Variants in WWC2 observed in about 807,000 individuals in gnomAD.
WWC2 encodes the protein protein WWC2.
A neutral mutation model predicts 138.5 loss-of-function variants in WWC2; 101 were observed. That is an observed-to-expected ratio of 0.73 (90% CI 0.62 to 0.86). The LOEUF (loss-of-function observed/expected upper bound fraction) is 0.86. Among genes scored for constraint, WWC2 ranks in the 40% least tolerant of loss-of-function variants. The pLI is 0.00. For synonymous variants in WWC2, 558 were observed against 538.4 expected, an observed-to-expected ratio of 1.04 and a Z score of -0.50; for missense variants, 1,420 against 1,419.4, an observed-to-expected ratio of 1.00 and a Z score of -0.01.
At position 183,108,835 on chromosome 4, in the gene WWC2, T is replaced by C. The variant is rs983062489; in HGVS notation, c.131+9213T>C. Among the ~76,000 whole-genome samples, 4 of 152,180 alleles carry C rather than the reference T, an allele frequency of 2.6e-5. 1 individual carries two copies. Among genetic ancestry groups the C allele is most frequent in the Non-Finnish European group, 5.9e-5 (4 of 68,026 alleles). ...CATGTTGGCCAGGCTAGTCTTGAAC[T>C]CCTGACCTAGTGATCTGCCTGCCTC... is the stretch of plus-strand genomic sequence containing the variant. On this transcript the variant is annotated intron_variant, in intron 1 of 22. Transcript: ENST00000403733.
At chr4:183,164,158 T>C (rs1734038063) in intron 1 of WWC2, among the ~76,000 whole-genome samples, 1 of 151,188 alleles carries the variant, frequency 6.6e-6, no homozygotes, top group Admixed American at 6.6e-5. Context: ...TCTGCTCTAA[T>C]TTCATTTAGT....
intron 1 of WWC2, among the ~76,000 whole-genome samples, chr4:183,111,129 C>G (rs1013378219): frequency 5.9e-5 from 9 of 151,972 alleles, no homozygotes; most frequent in Non-Finnish European, 5.9e-5. Context: ...AGTCCCAGCT[C>G]TTCGGGAGGC....
chr4:183,175,896 A>C (rs1734454341), intron 1 of WWC2, among the ~76,000 whole-genome samples: 1 of 152,242 alleles, frequency 6.6e-6, no homozygotes, highest in African/African-American at 2.4e-5. Context: ...ACAAAGAAGC[A>C]GTATTTGTCT....
Position 183,261,749 on chromosome 4 carries a change from T to C in WWC2, c.1909+217T>C, listed in dbSNP as rs147395551. Among the ~76,000 whole-genome samples the C allele has an allele frequency of 5.3e-3, 801 of 152,350 alleles. 12 individuals are homozygous for C. Among genetic ancestry groups the C allele is most frequent in the African/African-American group, 0.018 (748 of 41,586 alleles). ...CTTCCCTATTTAGTAGACTTAATCA[T>C]TTAGTACCTGCTCAGTTGTCCAGAG... On this transcript the variant is annotated intron_variant, in intron 11 of 22. Transcript: ENST00000403733.
Position 183,320,617 on chromosome 4 carries a change from A to G in WWC2, c.*4888A>G, listed in dbSNP as rs1739613208. 4.9e-6 allele frequency: 1 copy of G among 205,176 alleles called. No individual in the cohort carries two copies. Among genetic ancestry groups the G allele is most frequent in the African/African-American group, 2.4e-5 (1 of 42,086 alleles). 12.7% of individuals were successfully genotyped at this position (205,176 alleles called of 1,614,324 possible). Reference sequence around the variant, plus strand: ...ATGTTTAACTGATGGTTTTGGTTCAACTCCTCCTGCTTTGTGTTTCACTAA... The same window carrying G: ...ATGTTTAACTGATGGTTTTGGTTCAGCTCCTCCTGCTTTGTGTTTCACTAA... On this transcript the variant is annotated 3_prime_UTR_variant, in exon 23 of 23. Coordinates refer to ENST00000403733, the MANE Select transcript of WWC2 (RefSeq NM_024949.6).
At chr4:183,123,644 T>C (rs1732672965) in intron 1 of WWC2, among the ~76,000 whole-genome samples, 1 of 152,118 alleles carries the variant, frequency 6.6e-6, no homozygotes, top group South Asian at 2.1e-4. Context: ...TAGCATAATA[T>C]CATTTCTTAA....
In WWC2 at chr4:183,099,505, C is replaced by G; in HGVS notation, c.14C>G (p.Ala5Gly). The change falls in exon 1 of 23, where the codon GCC (alanine) becomes GGC (glycine). Residue 5 changes from alanine to glycine, a missense_variant. By Grantham distance (60) the Ala-to-Gly change is moderately conservative (BLOSUM62 0). Coordinates refer to ENST00000403733, the MANE Select transcript of WWC2 (RefSeq NM_024949.6). ...AGGCCGCCGACCATGCCTAGGAGGG[C>G]CGGGAGCGGTCAGCTGCCGCTGCCC... MPRR[A>G]GSGQLPLPRG... 1 of 1,385,796 alleles carries G rather than the reference C, an allele frequency of 7.2e-7. No homozygotes were observed. 85.8% of individuals were successfully genotyped at this position (1,385,796 alleles called of 1,614,324 possible). A position where few individuals can be genotyped will look rare whatever the true frequency, so the allele number is the denominator to read the frequency against.
Position 183,298,715 on chromosome 4 carries a change from G to A in WWC2, c.3384+9080G>A, listed in dbSNP as rs114489402. On this transcript the variant is annotated intron_variant, in intron 21 of 22. Transcript: ENST00000403733. ...TCACCTATGAATTAAGAGGATTGAA[G>A]TAGATAGCCACCAGAATCCCTTCTA... Among the ~76,000 whole-genome samples, 431 of 152,336 alleles carry A rather than the reference G, an allele frequency of 2.8e-3. 3 individuals carry two copies. Among genetic ancestry groups the A allele is most frequent in the Non-Finnish European group, 5.1e-3 (346 of 68,034 alleles).
chr4:183,177,492 G>A (rs766616924), intron 1 of WWC2, among the ~76,000 whole-genome samples: 4 of 152,114 alleles, frequency 2.6e-5, no homozygotes, highest in Non-Finnish European at 4.4e-5. Flanking sequence ...GAAGGAAATT[G>A]TAGGGCCTTT....
chr4:183,217,253 G>C (rs1701089757), intron 4 of WWC2, among the ~76,000 whole-genome samples: 1 of 152,174 alleles, frequency 6.6e-6, no homozygotes. Context: ...GATGAGAGTA[G>C]TGTGGAGGGG....
At chr4:183,119,681 A>G (rs754867757) in intron 1 of WWC2, among the ~76,000 whole-genome samples, 40 of 152,348 alleles carry the variant, frequency 2.6e-4, no homozygotes, top group Non-Finnish European at 5.1e-4. Flanking sequence ...TTAAGATGTC[A>G]GTTTTAAAAA....
intron 1 of WWC2, among the ~76,000 whole-genome samples, chr4:183,168,930 C>T (rs1275684935): frequency 6.6e-6 from 1 of 152,092 alleles, no homozygotes; most frequent in East Asian, 1.9e-4. Flanking sequence ...CTCGCCACAA[C>T]CTCTGCCTCC....
rs368794559 is a variant in WWC2, at chr4:183,245,649, A to C, written c.732+104A>C. The C allele has an allele frequency of 8.9e-5, 115 of 1,291,906 alleles. No homozygotes were observed. In the African/African-American group the frequency reaches 1.6e-3, roughly 18 times the overall value. The allele number at this position is 1,291,906 out of a possible 1,614,324, so 80.0% of individuals were successfully genotyped here. A position where few individuals can be genotyped will look rare whatever the true frequency, so the allele number is the denominator to read the frequency against. ...CCCTCAGAGTCTGGATGACCCTTCT[A>C]CCTCTGCCACATTTGTGCAGAATGG... is the stretch of plus-strand genomic sequence containing the variant. On this transcript the variant is annotated intron_variant, in intron 6 of 22. Coordinates refer to ENST00000403733, the MANE Select transcript of WWC2 (RefSeq NM_024949.6).
At chr4:183,299,328 C>T (rs1251173211) in intron 21 of WWC2, among the ~76,000 whole-genome samples, 1 of 152,132 alleles carries the variant, frequency 6.6e-6, no homozygotes, top group Non-Finnish European at 1.5e-5. Flanking sequence ...ACATTCAACC[C>T]GTAGCAGATG....
chr4:183,169,894 T>G (rs1734229722), intron 1 of WWC2, among the ~76,000 whole-genome samples: 1 of 152,226 alleles, frequency 6.6e-6, no homozygotes, highest in Non-Finnish European at 1.5e-5. Context: ...AAAACCCGAT[T>G]TCTAGCTAGC....
chr4:183,216,611 A>C (rs564636682), intron 4 of WWC2, among the ~76,000 whole-genome samples: 2 of 152,354 alleles, frequency 1.3e-5, no homozygotes, highest in Admixed American at 1.3e-4. Context: ...GAAGACTGTA[A>C]TTCTTAACTG....
chr4:183,223,324 A>T (rs1735981711), intron 4 of WWC2, among the ~76,000 whole-genome samples: 1 of 152,240 alleles, frequency 6.6e-6, no homozygotes, highest in Non-Finnish European at 1.5e-5. Context: ...TGATGAAGTG[A>T]CACATGACTA....
intron 1 of WWC2, among the ~76,000 whole-genome samples, chr4:183,179,245 G>T (rs1734553376): frequency 6.6e-6 from 1 of 152,292 alleles, no homozygotes; most frequent in East Asian, 1.9e-4. Context: ...GAAGAGAGGA[G>T]TGTGAGAACT....
At chr4:183,115,583 A>T (rs1732383216) in intron 1 of WWC2, among the ~76,000 whole-genome samples, 1 of 152,054 alleles carries the variant, frequency 6.6e-6, no homozygotes, top group African/African-American at 2.4e-5. Flanking sequence ...ATGGTATCTC[A>T]TTGTGGTTTT....
Sources: gnomAD v4.1 joint callset for allele counts (sites outside exome capture counted in the v4.1 genomes callset) on GRCh38, gnomAD v4.1.1 for gene constraint, MANE v1.5 for transcripts, NCBI Gene and HGNC (gene_info 2026-07-23, HGNC 2026-07-21) for gene names.